The following ZNF540 variants were observed in gnomAD, a reference collection of about 807,000 sequenced individuals.
ZNF540 encodes zinc finger protein 540.
Under a neutral mutation model 11.8 loss-of-function variants are expected in ZNF540, and 3 were observed. The ratio of observed to expected loss-of-function variants is 0.25; its 90% CI spans 0.12 to 0.65. The LOEUF (loss-of-function observed/expected upper bound fraction) is 0.65, where lower values mean the gene tolerates loss of function less well. ZNF540 is among the 30% of genes least tolerant of loss of function. The pLI, the probability that ZNF540 is intolerant of heterozygous loss-of-function variation, is 0.83. For missense variants in ZNF540, 709 were observed against 793.1 expected (o/e 0.89, Z 1.27); for synonymous variants, 247 against 259.0 (o/e 0.95, Z 0.45).
intron 1 of ZNF540, among the ~76,000 whole-genome samples, chr19:37,578,036 TAGTAAAGTGTGCACAG>T (rs1379099707): frequency 2.0e-5 from 3 of 152,050 alleles, no homozygotes; most frequent in African/African-American, 7.2e-5. Flanking sequence ...TCGAACCCTA[TAGTAAAGTGTGCACAG>T]GACGGATCTA....
intron 1 of ZNF540, chr19:37,564,415 T>C (rs930697838): frequency 2.3e-6 from 1 of 440,660 alleles, no homozygotes; most frequent in Non-Finnish European, 3.9e-6. Context: ...TTCAGCATTA[T>C]ATTCTAGCGT....
intron 4 of ZNF540, among the ~76,000 whole-genome samples, chr19:37,610,290 CAGTT>C (rs1212957109): frequency 6.6e-6 from 1 of 152,152 alleles, no homozygotes; most frequent in Non-Finnish European, 1.5e-5. Flanking sequence ...ATTGTACAGT[CAGTT>C]GTTTAATGCC....
chr19:37,580,191 C>T (rs935122158), intron 1 of ZNF540, among the ~76,000 whole-genome samples: 2 of 152,324 alleles, frequency 1.3e-5, no homozygotes, highest in South Asian at 4.1e-4. Flanking sequence ...GCTATATTAT[C>T]AGGTTTAGGC....
At chr19:37,565,195 T>TCTTTGATGTTGAATAAGATTA (rs1353923891) in intron 1 of ZNF540, 1 of 1,613,616 alleles carries the variant, frequency 6.2e-7, no homozygotes. Flanking sequence ...CGGTATGAAT[T>TCTTTGATGTTGAATAAGATTA]CTTTGATGTT....
chr19:37,571,546 T>C (rs768065756), intron 1 of ZNF540, among the ~76,000 whole-genome samples: 5 of 152,042 alleles, frequency 3.3e-5, no homozygotes, highest in Non-Finnish European at 5.9e-5. Context: ...AACAAATCCA[T>C]AGCCAAACCA....
At chr19:37,565,627 A>T in intron 1 of ZNF540, 5 of 1,613,342 alleles carry the variant, frequency 3.1e-6, no homozygotes, top group Non-Finnish European at 4.2e-6. Context: ...TCTGATGAAG[A>T]GTATATTGTG....
Position 37,614,027 on chromosome 19 carries a change from C to A in ZNF540, c.*764C>A, listed in dbSNP as rs545439934. 2.5e-6 allele frequency: 1 copy of A among 395,550 alleles called. No individual in the cohort carries two copies. The highest frequency in any genetic ancestry group is 4.4e-6 in the Non-Finnish European group (1 of 224,764). The allele number at this position is 395,550 out of a possible 1,614,324, so 24.5% of individuals were successfully genotyped here. A position where few individuals can be genotyped will look rare whatever the true frequency, so the allele number is the denominator to read the frequency against. The stretch of plus-strand genomic sequence containing the variant: ...AAGAGGGCCTTCACCAGAACCCAAG[C>A]ATGCTGGCACCTTGACCTTGGACTT... On this transcript the variant is annotated 3_prime_UTR_variant, in exon 5 of 5. Coordinates refer to ENST00000316433, the MANE Select transcript of ZNF540 (RefSeq NM_001172225.3).
intron 1 of ZNF540, among the ~76,000 whole-genome samples, chr19:37,580,992 A>ATACCAAAAC: frequency 6.6e-6 from 1 of 152,352 alleles, no homozygotes; most frequent in Admixed American, 6.5e-5. Flanking sequence ...CTATGTTTAA[A>ATACCAAAAC]TACCAAAACT....
intron 1 of ZNF540, chr19:37,566,136 C>T (rs1225130889): frequency 3.7e-6 from 6 of 1,613,950 alleles, no homozygotes; most frequent in Non-Finnish European, 5.1e-6. Flanking sequence ...GCTTCTTGAC[C>T]CTCTAAGTTG....
At chr19:37,560,003 G>A (rs1319184309) in intron 1 of ZNF540, among the ~76,000 whole-genome samples, 4 of 152,104 alleles carry the variant, frequency 2.6e-5, no homozygotes, top group Admixed American at 1.3e-4. Flanking sequence ...TTAGCTGGGC[G>A]TGGTGGCTCA....
intron 4 of ZNF540, among the ~76,000 whole-genome samples, chr19:37,605,649 C>CA (rs568738026): frequency 6.6e-6 from 1 of 151,260 alleles, no homozygotes; most frequent in South Asian, 2.1e-4. Context: ...ACTCTTGTCG[C>CA]AAAAAAAAGA....
chr19:37,594,318 C>A (rs1329585281), upstream of ZNF540: 1 of 152,466 alleles, frequency 6.6e-6, no homozygotes, highest in East Asian at 1.9e-4. Context: ...AGGGGCCAAG[C>A]GCTAGGAGCA....
chr19:37,604,296 C>CTTT lies in ZNF540; in HGVS notation c.232+3218_232+3220dup, dbSNP rs769163050. Among the ~76,000 whole-genome samples the CTTT allele has an allele frequency of 9.8e-3, 737 of 75,110 alleles. 164 individuals are homozygous for CTTT. The highest frequency in any genetic ancestry group is 0.037 in the African/African-American group (686 of 18,712). 49.3% of individuals were successfully genotyped at this position (75,110 alleles called of 152,430 possible). On this transcript the variant is annotated intron_variant, in intron 4 of 4. Coordinates refer to ENST00000316433, the MANE Select transcript of ZNF540 (RefSeq NM_001172225.3). ...CATAGAGCTTTGGAAAATAGCCTTA[C>CTTT]TTTTTTTTTTTTTTTTTTTTTTTTT...
intron 1 of ZNF540, chr19:37,565,105 A>G (rs2042803270): frequency 5.0e-6 from 8 of 1,612,968 alleles, no homozygotes; most frequent in Admixed American, 1.7e-5. Flanking sequence ...TCTCACCTGT[A>G]TGAATTCTCT....
intron 2 of ZNF540, among the ~76,000 whole-genome samples, chr19:37,599,352 A>G (rs2044021403): frequency 6.6e-6 from 1 of 152,144 alleles, no homozygotes; most frequent in African/African-American, 2.4e-5. Context: ...TGAATTGGGA[A>G]ACATTTATTT....
At chr19:37,580,538 C>G (rs896256233) in intron 1 of ZNF540, among the ~76,000 whole-genome samples, 4 of 152,118 alleles carry the variant, frequency 2.6e-5, no homozygotes, top group Non-Finnish European at 5.9e-5. Flanking sequence ...TTGTACCCAC[C>G]AAATCTCATG....
intron 1 of ZNF540, chr19:37,583,732 G>A (rs2043558360): frequency 2.4e-6 from 1 of 408,704 alleles, no homozygotes; most frequent in Non-Finnish European, 4.4e-6. Context: ...TCATGCTAGG[G>A]GATTCCCAGA....
Position 37,556,577 on chromosome 19 carries a change from C to T in ZNF540, c.-73+4912C>T, listed in dbSNP as rs917619723. On this transcript the variant is annotated intron_variant, in intron 1 of 4. Transcript: ENST00000592533. ...CAAACACTAGGTCTCCTGGCTGGAA[C>T]GAATGGCAGGACCCTGTCTGGTCAG... Among the ~76,000 whole-genome samples, 5 of 152,300 alleles carry T rather than the reference C, an allele frequency of 3.3e-5. No individual in the cohort carries two copies. The East Asian group carries it at 7.7e-4, about 24-fold the overall frequency.
At chr19:37,559,351 T>C (rs2042693785) in intron 1 of ZNF540, among the ~76,000 whole-genome samples, 1 of 152,260 alleles carries the variant, frequency 6.6e-6, no homozygotes, top group Non-Finnish European at 1.5e-5. Context: ...CTTGGCAGTA[T>C]AATCAGTTGT....
Sources: gnomAD v4.1 joint callset for allele counts (sites outside exome capture counted in the v4.1 genomes callset) on GRCh38, gnomAD v4.1.1 for gene constraint, MANE v1.5 for transcripts, NCBI Gene and HGNC (gene_info 2026-07-23, HGNC 2026-07-21) for gene names.